SSH2: variants seen among roughly 807,000 people sequenced by gnomAD.
SSH2 encodes the protein slingshot protein phosphatase 2, also known as protein phosphatase Slingshot homolog 2.
SSH2 carries 37 observed loss-of-function variants against 135.2 expected under a neutral mutation model. The ratio of observed to expected loss-of-function variants is 0.27; its 90% CI spans 0.21 to 0.36. The LOEUF is 0.36. Ranked by LOEUF, SSH2 falls within the 10% of genes least tolerant of loss-of-function variation. The pLI is 1.00. For synonymous variants in SSH2, 628 were observed against 646.2 expected (o/e 0.97, Z 0.43); for missense variants, 1,408 against 1,765.3 (o/e 0.80, Z 3.63).
Position 29,635,556 on chromosome 17 carries a change from C to CAT in SSH2, c.2262+411_2262+412insAT, listed in dbSNP as rs1567829463. On this transcript the variant is annotated intron_variant, in intron 15 of 15. Coordinates refer to ENST00000540801, the MANE Select transcript of SSH2 (RefSeq NM_001282129.2). ...AGTAGCTGGGACTACAGGCGCCGCC[C>CAT]GCCACCACACCTGGCTAATTTTTTG... 5.2e-3 allele frequency among the ~76,000 whole-genome samples: 788 copies of CAT among 151,610 alleles called. 9 individuals carry two copies. Among genetic ancestry groups the CAT allele is most frequent in the African/African-American group, 0.018 (741 of 41,288 alleles).
At chr17:29,794,881 T>C (rs2042131389) in intron 2 of SSH2, among the ~76,000 whole-genome samples, 1 of 152,234 alleles carries the variant, frequency 6.6e-6, no homozygotes. Context: ...ATTATACTGA[T>C]CTTCACAGAG....
chr17:29,659,695 G>GT (rs1056798083), intron 11 of SSH2, among the ~76,000 whole-genome samples: 9 of 151,684 alleles, frequency 5.9e-5, no homozygotes, highest in Non-Finnish European at 1.3e-4. Context: ...GGCTAATTTT[G>GT]TTTTTTGTAT....
At chr17:29,645,225 G>A (rs1416078023) in intron 14 of SSH2, 3 of 152,172 alleles carry the variant, frequency 2.0e-5, no homozygotes, top group African/African-American at 7.2e-5. Context: ...ATGGGGTCAG[G>A]TAAGGATGAG....
At chr17:29,686,673 CTTTTT>C (rs1598801181) in intron 5 of SSH2, among the ~76,000 whole-genome samples, 1 of 148,566 alleles carries the variant, frequency 6.7e-6, no homozygotes, top group Admixed American at 6.8e-5. Context: ...CCAGCCTTTT[CTTTTT>C]GTTTTTTTGA....
chr17:29,877,684 T>C (rs1044694617), intron 1 of SSH2, among the ~76,000 whole-genome samples: 1 of 151,504 alleles, frequency 6.6e-6, no homozygotes, highest in African/African-American at 2.4e-5. Context: ...ACAATTGAAC[T>C]CATGGAGATA....
At chr17:29,803,946 G>C (rs776110136) in intron 2 of SSH2, among the ~76,000 whole-genome samples, 2 of 152,166 alleles carry the variant, frequency 1.3e-5, no homozygotes, top group Non-Finnish European at 2.9e-5. Context: ...TCCAGGACCA[G>C]AGTGAATACC....
intron 1 of SSH2, among the ~76,000 whole-genome samples, chr17:29,849,478 C>CA (rs36026122): frequency 0.054 from 2,548 of 47,510 alleles, 80 homozygotes; most frequent in African/African-American, 0.07. Flanking sequence ...GACTCCGTCT[C>CA]AAAAAAAAAA....
chr17:29,859,513 A>G (rs1423406848), intron 1 of SSH2, among the ~76,000 whole-genome samples: 1 of 151,990 alleles, frequency 6.6e-6, no homozygotes, highest in Non-Finnish European at 1.5e-5. Flanking sequence ...TGTTCTCATC[A>G]TTTAGCTCCC....
At chr17:29,781,081 G>T (rs1365824470) in intron 3 of SSH2, among the ~76,000 whole-genome samples, 1 of 152,180 alleles carries the variant, frequency 6.6e-6, no homozygotes, top group African/African-American at 2.4e-5. Flanking sequence ...AAAGTGCTGG[G>T]ATTACAGGCG....
At chr17:29,675,755 T>A (rs1400736160) in intron 8 of SSH2, 1 of 152,916 alleles carries the variant, frequency 6.5e-6, no homozygotes, top group East Asian at 1.9e-4. Flanking sequence ...AAGCTATGAT[T>A]GCACCACTGC....
At chr17:29,748,695 GT>G (rs1416467972) in intron 3 of SSH2, among the ~76,000 whole-genome samples, 1 of 151,940 alleles carries the variant, frequency 6.6e-6, no homozygotes, top group African/African-American at 2.4e-5. Context: ...AATGTGAGTG[GT>G]AAAAAAAATT....
intron 1 of SSH2, among the ~76,000 whole-genome samples, chr17:29,913,605 A>C (rs2066826249): frequency 6.6e-6 from 1 of 150,890 alleles, no homozygotes; most frequent in African/African-American, 2.4e-5. Context: ...CCAATAATAA[A>C]GAGTCCAAGA....
intron 5 of SSH2, among the ~76,000 whole-genome samples, chr17:29,686,303 A>G (rs2038216564): frequency 6.6e-6 from 1 of 152,126 alleles, no homozygotes; most frequent in Non-Finnish European, 1.5e-5. Context: ...CTATGCCCTC[A>G]TCGAGTTATA....
chr17:29,712,982 G>A (rs1319989421), intron 3 of SSH2, among the ~76,000 whole-genome samples: 1 of 152,108 alleles, frequency 6.6e-6, no homozygotes, highest in African/African-American at 2.4e-5. Flanking sequence ...TTCTGTGTTC[G>A]ATGTTATTAC....
At chr17:29,730,099 T>C (rs1567923753) in intron 3 of SSH2, among the ~76,000 whole-genome samples, 2 of 151,874 alleles carry the variant, frequency 1.3e-5, no homozygotes, top group East Asian at 3.9e-4. Flanking sequence ...GATGGGCAAA[T>C]GGCTTGAGCT....
At chr17:29,885,027 G>T (rs2066208652) in intron 1 of SSH2, among the ~76,000 whole-genome samples, 1 of 152,146 alleles carries the variant, frequency 6.6e-6, no homozygotes, top group Non-Finnish European at 1.5e-5. Flanking sequence ...TTATTCTGAT[G>T]CAATGTAAAG....
intron 2 of SSH2, among the ~76,000 whole-genome samples, chr17:29,837,113 C>T (rs567619426): frequency 6.6e-6 from 1 of 152,040 alleles, no homozygotes; most frequent in East Asian, 1.9e-4. Flanking sequence ...AAAAATTAGC[C>T]AGGTGTGGTG....
chr17:29,700,786 C>T (rs1301784540), intron 4 of SSH2, among the ~76,000 whole-genome samples: 1 of 152,004 alleles, frequency 6.6e-6, no homozygotes, highest in Non-Finnish European at 1.5e-5. Flanking sequence ...AAGGGAACAG[C>T]TAAACTTCTT....
intron 14 of SSH2, among the ~76,000 whole-genome samples, chr17:29,639,019 C>G (rs991632650): frequency 6.6e-6 from 1 of 152,140 alleles, no homozygotes; most frequent in African/African-American, 2.4e-5. Context: ...ATTCTGGAAT[C>G]AGAAAGCAAA....
Sources: allele counts gnomAD v4.1 joint callset (sites outside exome capture counted in the v4.1 genomes callset), GRCh38; gene constraint gnomAD v4.1.1; transcripts MANE v1.5; gene names NCBI Gene and HGNC (gene_info 2026-07-23, HGNC 2026-07-21).